The following PLEKHM3 variants were observed in gnomAD, a reference collection of about 807,000 sequenced individuals.
PLEKHM3 encodes pleckstrin homology domain containing M3.
PLEKHM3 carries 45 observed loss-of-function variants against 81.8 expected under a neutral mutation model. The observed-to-expected ratio is 0.55, with a 90% CI of 0.43 to 0.71. The LOEUF is 0.71. Ranked by LOEUF, PLEKHM3 falls within the 30% of genes least tolerant of loss-of-function variation. The pLI, the probability that PLEKHM3 is intolerant of heterozygous loss-of-function variation, is 0.00. For synonymous variants in PLEKHM3, 352 were observed against 356.4 expected (o/e 0.99, Z 0.14); for missense variants, 788 against 924.3 (o/e 0.85, Z 1.91).
At chr2:207,841,469 A>T (rs2092352254) in intron 7 of PLEKHM3, among the ~76,000 whole-genome samples, 1 of 55,994 alleles carries the variant, frequency 1.8e-5, no homozygotes, top group African/African-American at 8.2e-5. Context: ...AAAAAAAAAA[A>T]AAAAAAAAAA....
At chr2:207,899,726 C>T (rs192877540) in intron 6 of PLEKHM3, among the ~76,000 whole-genome samples, 24 of 152,306 alleles carry the variant, frequency 1.6e-4, no homozygotes, top group Non-Finnish European at 2.8e-4. Flanking sequence ...GACAATTTAT[C>T]AGAATAATCC....
rs1314587372 is a variant in PLEKHM3, at chr2:207,843,921, C to A, written c.2109-15425G>T. ...TCTGAGCAACATATTGAGATCTTGTCTCCACAGATAAATTAACCAAGCATG... is the reference window on the plus strand; with the variant it reads ...TCTGAGCAACATATTGAGATCTTGTATCCACAGATAAATTAACCAAGCATG... On this transcript the variant is annotated intron_variant, in intron 7 of 7. Transcript: ENST00000427836. The surrounding 1 kb of genome is among the most constrained non-coding windows in gnomAD (Gnocchi z 4.4). Among the ~76,000 whole-genome samples the A allele has an allele frequency of 6.6e-6, 1 of 151,962 alleles. No homozygotes were observed. Among genetic ancestry groups the A allele is most frequent in the Admixed American group, 6.6e-5 (1 of 15,250 alleles).
At chr2:207,876,364 C>T (rs1227892388) in intron 6 of PLEKHM3, among the ~76,000 whole-genome samples, 1 of 151,872 alleles carries the variant, frequency 6.6e-6, no homozygotes, top group African/African-American at 2.4e-5. Context: ...TATACATAAA[C>T]ATTATAAAAA....
chr2:207,905,306 G>A (rs1475434359), intron 6 of PLEKHM3, among the ~76,000 whole-genome samples: 1 of 152,124 alleles, frequency 6.6e-6, no homozygotes, highest in Non-Finnish European at 1.5e-5. Context: ...ATCAAACAGG[G>A]AAAATAATTT....
At chr2:207,919,339 G>A (rs181879488) in intron 5 of PLEKHM3, among the ~76,000 whole-genome samples, 31 of 152,222 alleles carry the variant, frequency 2.0e-4, no homozygotes, top group East Asian at 5.8e-4. Context: ...ATGAGACCAC[G>A]TATGCCCTGG....
chr2:207,981,084 C>T (rs369533935), intron 2 of PLEKHM3, among the ~76,000 whole-genome samples: 8 of 148,972 alleles, frequency 5.4e-5, no homozygotes, highest in South Asian at 2.1e-4. Context: ...GCCGAGATTA[C>T]GCCACTGCAC....
At chr2:207,977,684 T>G in intron 2 of PLEKHM3, 98 bp from the exon 3 acceptor site, 1 of 1,024,504 alleles carries the variant, frequency 9.8e-7, no homozygotes, top group Non-Finnish European at 1.4e-6. Flanking sequence ...ACCACACAGA[T>G]CAGGGACTGA....
At chr2:207,920,588 AT>A (rs1430706190) in intron 5 of PLEKHM3, among the ~76,000 whole-genome samples, 4 of 148,858 alleles carry the variant, frequency 2.7e-5, no homozygotes, top group Non-Finnish European at 4.5e-5. Context: ...AGAAAAAAAA[AT>A]GTAGAATGAT....
At chr2:207,962,480 C>G (rs1405295954) in intron 3 of PLEKHM3, among the ~76,000 whole-genome samples, 2 of 152,208 alleles carry the variant, frequency 1.3e-5, no homozygotes, top group Non-Finnish European at 2.9e-5. Flanking sequence ...TATAATAAAA[C>G]TGCAATTGTA....
At chr2:208,015,784 T>G (rs1382123112) in intron 1 of PLEKHM3, among the ~76,000 whole-genome samples, 1 of 152,226 alleles carries the variant, frequency 6.6e-6, no homozygotes, top group Non-Finnish European at 1.5e-5. Context: ...CTTGTAAAAA[T>G]GTTTACTTAA....
intron 5 of PLEKHM3, among the ~76,000 whole-genome samples, chr2:207,923,880 C>CACACACACAT (rs1319162543): frequency 3.5e-5 from 2 of 56,766 alleles, no homozygotes; most frequent in Non-Finnish European, 6.4e-5. Flanking sequence ...CACACACACA[C>CACACACACAT]ATATATATAT....
chr2:207,838,270 A>T (rs564224035), intron 7 of PLEKHM3, among the ~76,000 whole-genome samples: 2 of 152,244 alleles, frequency 1.3e-5, no homozygotes, highest in East Asian at 3.9e-4. Flanking sequence ...CTAAGACCCA[A>T]ATCTGGGAAG....
intron 2 of PLEKHM3, among the ~76,000 whole-genome samples, chr2:207,997,099 C>A (rs1056728426): frequency 1.3e-5 from 2 of 151,974 alleles, no homozygotes; most frequent in Non-Finnish European, 2.9e-5. Flanking sequence ...AAGTTGGAAA[C>A]CCTGGCAGTC....
intron 1 of PLEKHM3, among the ~76,000 whole-genome samples, chr2:208,022,723 C>A (rs553088707): frequency 2.6e-5 from 4 of 152,278 alleles, no homozygotes; most frequent in African/African-American, 9.6e-5. Context: ...GAGAAAGCTC[C>A]CAACTTGTAT....
At chr2:207,982,317 T>A (rs1468997943) in intron 2 of PLEKHM3, among the ~76,000 whole-genome samples, 1 of 148,624 alleles carries the variant, frequency 6.7e-6, no homozygotes, top group Non-Finnish European at 1.5e-5. Context: ...TCACCCAGGC[T>A]GGACAGCAGT....
intron 6 of PLEKHM3, among the ~76,000 whole-genome samples, chr2:207,898,463 C>T (rs1022762901): frequency 9.2e-5 from 14 of 152,240 alleles, no homozygotes; most frequent in East Asian, 5.8e-4. Flanking sequence ...TCCTTTAAAA[C>T]GTGAAATGGA....
intron 5 of PLEKHM3, among the ~76,000 whole-genome samples, chr2:207,914,312 A>G (rs1688911868): frequency 6.6e-6 from 1 of 152,112 alleles, no homozygotes; most frequent in South Asian, 2.1e-4. Flanking sequence ...CCTGACCAAC[A>G]TGAAGAAACC....
At chr2:207,979,337 C>A (rs1317763967) in intron 2 of PLEKHM3, among the ~76,000 whole-genome samples, 2 of 152,000 alleles carry the variant, frequency 1.3e-5, no homozygotes, top group Admixed American at 6.6e-5. Flanking sequence ...GAGTTCGAGA[C>A]CAGCCTGGCC....
chr2:208,006,032 C>T (rs1332244272), intron 1 of PLEKHM3, among the ~76,000 whole-genome samples: 1 of 152,126 alleles, frequency 6.6e-6, no homozygotes, highest in African/African-American at 2.4e-5. Flanking sequence ...CAAATTGTAC[C>T]AAAATGATCA....
Sources: allele counts gnomAD v4.1 joint callset (sites outside exome capture counted in the v4.1 genomes callset), GRCh38; gene constraint gnomAD v4.1.1; non-coding constraint Gnocchi (gnomAD v3.1); transcripts MANE v1.5; gene names NCBI Gene and HGNC (gene_info 2026-07-23, HGNC 2026-07-21).